Variants in PRKCA observed in about 807,000 individuals in gnomAD.
The protein encoded by PRKCA is protein kinase C alpha type.
A neutral mutation model predicts 87.0 loss-of-function variants in PRKCA; 27 were observed. The observed-to-expected ratio is 0.31, with a 90% CI of 0.23 to 0.43. PRKCA has a LOEUF of 0.43. Among genes scored for constraint, PRKCA ranks in the 20% least tolerant of loss-of-function variants. The pLI is 1.00. For missense variants in PRKCA, 518 were observed against 852.3 expected (o/e 0.61, Z 4.88); for synonymous variants, 329 against 311.1 (o/e 1.06, Z -0.61).
intron 2 of PRKCA, among the ~76,000 whole-genome samples, chr17:66,347,941 C>CTTTTTTTTT (rs57292153): frequency 0.083 from 4,634 of 56,058 alleles, 1,176 homozygotes; most frequent in African/African-American, 0.14. Flanking sequence ...AATTCTGAAC[C>CTTTTTTTTT]TTTTTTTTTT....
At chr17:66,713,049 CTT>C (rs564655403) in intron 8 of PRKCA, among the ~76,000 whole-genome samples, 10 of 104,408 alleles carry the variant, frequency 9.6e-5, no homozygotes, top group Admixed American at 1.1e-4. Context: ...CTTTGTTGTC[CTT>C]TTTTTTTTTT....
At chr17:66,777,801 G>C in intron 14 of PRKCA, 1 of 985,416 alleles carries the variant, frequency 1.0e-6, no homozygotes, top group Non-Finnish European at 1.2e-6. Context: ...CGCTTTACAA[G>C]AGGTCACGTG....
chr17:66,486,183 CTTATCT>C (rs145611178), intron 2 of PRKCA, among the ~76,000 whole-genome samples: 21 of 152,218 alleles, frequency 1.4e-4, no homozygotes, highest in African/African-American at 4.6e-4. Context: ...TTGTCATATA[CTTATCT>C]TTAAGAGTTT....
chr17:66,753,978 T>C (rs901555523), intron 13 of PRKCA, among the ~76,000 whole-genome samples: 1 of 152,050 alleles, frequency 6.6e-6, no homozygotes, highest in Non-Finnish European at 1.5e-5. Flanking sequence ...AGGAAGGTAC[T>C]TGTGTCAAGG....
intron 2 of PRKCA, among the ~76,000 whole-genome samples, chr17:66,329,556 G>A (rs1171490294): frequency 6.6e-6 from 1 of 152,180 alleles, no homozygotes; most frequent in East Asian, 1.9e-4. Flanking sequence ...AGTCATCTAC[G>A]GAGATGGGAA....
At chr17:66,499,612 G>A (rs1916638878) in intron 3 of PRKCA, among the ~76,000 whole-genome samples, 3 of 152,132 alleles carry the variant, frequency 2.0e-5, no homozygotes, top group Admixed American at 2.0e-4. Context: ...CCTGGAGCCA[G>A]GTAAAAAGCT....
intron 5 of PRKCA, among the ~76,000 whole-genome samples, chr17:66,671,671 A>G (rs1468773633): frequency 2.6e-5 from 4 of 152,238 alleles, no homozygotes; most frequent in Non-Finnish European, 4.4e-5. Flanking sequence ...GCAGTGATTT[A>G]TGAGATGAAA....
chr17:66,794,624 G>GCT (rs1412977438), intron 16 of PRKCA, among the ~76,000 whole-genome samples: 1 of 136,904 alleles, frequency 7.3e-6, no homozygotes, highest in Non-Finnish European at 1.6e-5. Flanking sequence ...GGGGTTTTTT[G>GCT]TTTTTTTTTT....
At chr17:66,554,255 G>A (rs944810657) in intron 3 of PRKCA, among the ~76,000 whole-genome samples, 3 of 146,858 alleles carry the variant, frequency 2.0e-5, no homozygotes, top group African/African-American at 5.0e-5. Context: ...AAAAAAAAAC[G>A]AGAGAAAAAA....
At position 66,776,554 on chromosome 17, in the gene PRKCA, C is replaced by A. The variant is rs546590866; in HGVS notation, c.1605+2487C>A. On this transcript the variant is annotated intron_variant, in intron 14 of 16. Transcript: ENST00000413366. ...TGAGCTCCTGACCTCGTGATCCACC[C>A]GCCTCAGCCTCCCAAAGTGCTGGGA... 7.2e-5 allele frequency among the ~76,000 whole-genome samples: 11 copies of A among 152,162 alleles called. No individual in the cohort carries two copies. In the South Asian group the frequency reaches 1.2e-3, roughly 17 times the overall value.
At chr17:66,692,797 C>G (rs1390143796) in intron 8 of PRKCA, among the ~76,000 whole-genome samples, 1 of 152,158 alleles carries the variant, frequency 6.6e-6, no homozygotes, top group Admixed American at 6.5e-5. Context: ...CTTTGCCACC[C>G]TCCAGTAACA....
chr17:66,517,155 G>T (rs569189434), intron 3 of PRKCA, among the ~76,000 whole-genome samples: 1 of 151,986 alleles, frequency 6.6e-6, no homozygotes, highest in African/African-American at 2.4e-5. Flanking sequence ...GTGGTGGTGC[G>T]CACCTGTAGT....
At chr17:66,445,732 G>A (rs1389558608) in intron 2 of PRKCA, among the ~76,000 whole-genome samples, 1 of 152,114 alleles carries the variant, frequency 6.6e-6, no homozygotes, top group Non-Finnish European at 1.5e-5. Flanking sequence ...AGAGGCAGAA[G>A]TGCTGCTCTT....
intron 2 of PRKCA, among the ~76,000 whole-genome samples, chr17:66,369,670 C>T (rs1016307318): frequency 2.6e-5 from 4 of 152,200 alleles, no homozygotes; most frequent in Non-Finnish European, 4.4e-5. Context: ...CCCGTTTTCA[C>T]TATTGGATCT....
intron 3 of PRKCA, among the ~76,000 whole-genome samples, chr17:66,615,033 A>G (rs1486661621): frequency 6.6e-6 from 1 of 152,060 alleles, no homozygotes; most frequent in East Asian, 1.9e-4. Flanking sequence ...TCTCTGTTGT[A>G]CCATACAAGC....
chr17:66,715,935 A>G (rs1459337696), intron 8 of PRKCA, among the ~76,000 whole-genome samples: 1 of 152,174 alleles, frequency 6.6e-6, no homozygotes, highest in Non-Finnish European at 1.5e-5. Context: ...AGATTCCATG[A>G]CACCTGCACA....
intron 2 of PRKCA, among the ~76,000 whole-genome samples, chr17:66,467,480 A>ATT (rs1250517918): frequency 1.3e-5 from 2 of 151,202 alleles, no homozygotes; most frequent in African/African-American, 4.9e-5. Context: ...GGGCAAACAC[A>ATT]TTTTTTTTTG....
chr17:66,576,873 C>T (rs1451046793), intron 3 of PRKCA, among the ~76,000 whole-genome samples: 3 of 138,334 alleles, frequency 2.2e-5, no homozygotes, highest in Non-Finnish European at 1.6e-5. Context: ...TGGTGATGTA[C>T]TTTTTTTTTT....
At chr17:66,580,931 C>CT (rs1475884023) in intron 3 of PRKCA, among the ~76,000 whole-genome samples, 3 of 60,874 alleles carry the variant, frequency 4.9e-5, no homozygotes, top group African/African-American at 2.8e-4. Flanking sequence ...GATTTGTTGC[C>CT]CCCCCCCATG....
Sources: allele counts gnomAD v4.1 joint callset (sites outside exome capture counted in the v4.1 genomes callset), GRCh38; gene constraint gnomAD v4.1.1; transcripts MANE v1.5; gene names NCBI Gene and HGNC (gene_info 2026-07-23, HGNC 2026-07-21).